Variants in SLC39A11 observed in about 807,000 individuals in gnomAD.
SLC39A11 encodes the protein zinc transporter ZIP11.
A neutral mutation model predicts 36.1 loss-of-function variants in SLC39A11; 33 were observed. The observed-to-expected ratio is 0.91, with a 90% CI of 0.69 to 1.22. The LOEUF is 1.22. Ranked by LOEUF, SLC39A11 falls within the 50% of genes most tolerant of loss-of-function variation. The pLI is 0.00. For synonymous variants in SLC39A11, 166 were observed against 170.3 expected, an observed-to-expected ratio of 0.97 and a Z score of 0.20; for missense variants, 432 against 430.3, an observed-to-expected ratio of 1.00 and a Z score of -0.03.
At chr17:72,886,912 C>A (rs2081465443) in intron 5 of SLC39A11, among the ~76,000 whole-genome samples, 1 of 152,166 alleles carries the variant, frequency 6.6e-6, no homozygotes, top group Admixed American at 6.5e-5. Context: ...TCACTCTTGG[C>A]ATTTTCTCTT....
At chr17:72,949,990 CACACA>C (rs1568006603) in intron 4 of SLC39A11, among the ~76,000 whole-genome samples, 4 of 133,348 alleles carry the variant, frequency 3.0e-5, no homozygotes, top group Non-Finnish European at 5.0e-5. Flanking sequence ...CACACACACA[CACACA>C]CCCCTTCTTG....
chr17:72,715,160 G>A (rs895706200), intron 7 of SLC39A11, among the ~76,000 whole-genome samples: 4 of 152,184 alleles, frequency 2.6e-5, no homozygotes, highest in Non-Finnish European at 2.9e-5. Context: ...CCGGGAGCCC[G>A]CGAGAGGCTC....
intron 4 of SLC39A11, among the ~76,000 whole-genome samples, chr17:73,017,968 C>G (rs746163538): frequency 6.6e-6 from 1 of 152,144 alleles, no homozygotes; most frequent in Non-Finnish European, 1.5e-5. Flanking sequence ...TCATATGGTA[C>G]TAGAAGATAA....
intron 7 of SLC39A11, among the ~76,000 whole-genome samples, chr17:72,655,687 A>C (rs1598236862): frequency 6.6e-6 from 1 of 152,304 alleles, no homozygotes; most frequent in Middle Eastern, 3.4e-3. Flanking sequence ...GGAGCCTGCA[A>C]CCGGGGTGCT....
chr17:72,777,216 G>T (rs2076166659), intron 6 of SLC39A11, among the ~76,000 whole-genome samples: 1 of 152,148 alleles, frequency 6.6e-6, no homozygotes, highest in Non-Finnish European at 1.5e-5. Context: ...CAAAAAAAGG[G>T]CATTATGATC....
chr17:73,021,855 GCACTCAAGACTCCCCAC>G (rs2058362735), intron 4 of SLC39A11, among the ~76,000 whole-genome samples: 1 of 152,202 alleles, frequency 6.6e-6, no homozygotes, highest in Non-Finnish European at 1.5e-5. Flanking sequence ...AAGCCTATCT[GCACTCAAGACTCCCCAC>G]CACTCTTAGA....
Position 72,649,284 on chromosome 17 carries a change from A to G in SLC39A11, c.672-16T>C, listed in dbSNP as rs961254619. The G allele has an allele frequency of 2.5e-6, 4 of 1,611,452 alleles. No individual in the cohort carries two copies. Among genetic ancestry groups the G allele is most frequent in the Admixed American group, 3.3e-5 (2 of 59,832 alleles). ...GGCCAAATTCCTGAAAAACCAAGAA[A>G]GCACATGAAGGCTGCTGTCTGGAAT... On this transcript the variant is annotated splice_polypyrimidine_tract_variant and intron_variant, in intron 7 of 9. Transcript: ENST00000255559.
chr17:72,821,790 G>C (rs1480035069), intron 6 of SLC39A11: 2 of 151,342 alleles, frequency 1.3e-5, no homozygotes, highest in African/African-American at 4.8e-5. Context: ...CTCACAGACG[G>C]GCCCCTTCTC....
chr17:73,074,172 G>A (rs1045890952), intron 3 of SLC39A11, among the ~76,000 whole-genome samples: 1 of 151,848 alleles, frequency 6.6e-6, no homozygotes, highest in Non-Finnish European at 1.5e-5. Flanking sequence ...TAAAAGCTAG[G>A]ATTTCCAAAG....
intron 5 of SLC39A11, among the ~76,000 whole-genome samples, chr17:72,909,677 A>G (rs1441962571): frequency 6.6e-6 from 1 of 151,572 alleles, no homozygotes; most frequent in East Asian, 1.9e-4. Flanking sequence ...CAAAGTCCTC[A>G]CTCACCAATC....
At chr17:72,909,945 G>A (rs975108695) in intron 5 of SLC39A11, among the ~76,000 whole-genome samples, 2 of 151,838 alleles carry the variant, frequency 1.3e-5, no homozygotes. Context: ...GTAGAGACGG[G>A]GTTTCACCGT....
At chr17:72,785,738 C>T (rs1033415467) in intron 6 of SLC39A11, among the ~76,000 whole-genome samples, 9 of 152,268 alleles carry the variant, frequency 5.9e-5, no homozygotes, top group Admixed American at 2.0e-4. Context: ...CTGGATACAT[C>T]GTTTTCTTTA....
intron 7 of SLC39A11, among the ~76,000 whole-genome samples, chr17:72,655,311 G>A (rs71377869): frequency 0.11 from 16,571 of 152,286 alleles, 1,007 homozygotes; most frequent in African/African-American, 0.15. Flanking sequence ...GTGGCCCAGT[G>A]GAGGACACAG....
In SLC39A11 at chr17:72,999,650, G is replaced by T. The variant is rs546407688; in HGVS notation, c.306+31906C>A. ...AGACTCCTCTGAGGAGCCACGGAAG[G>T]CAACAGGTCCATTTCCTGCTGTGGT... is the stretch of plus-strand genomic sequence containing the variant. On this transcript the variant is annotated intron_variant, in intron 4 of 9. Transcript: ENST00000255559. Among the ~76,000 whole-genome samples the T allele has an allele frequency of 3.3e-5, 5 of 152,344 alleles. No individual in the cohort carries two copies. In the South Asian group the frequency reaches 1.0e-3, roughly 32 times the overall value.
At chr17:72,753,364 C>G (rs554430843) in intron 6 of SLC39A11, among the ~76,000 whole-genome samples, 1 of 152,286 alleles carries the variant, frequency 6.6e-6, no homozygotes, top group African/African-American at 2.4e-5. Flanking sequence ...TCCAGATAAC[C>G]TGCTTGGCCT....
At chr17:72,698,586 A>C (rs559475454) in intron 7 of SLC39A11, among the ~76,000 whole-genome samples, 1 of 152,304 alleles carries the variant, frequency 6.6e-6, no homozygotes, top group East Asian at 1.9e-4. Context: ...ACATGGTTTA[A>C]AAAAGAAAAG....
chr17:72,771,278 G>A lies in SLC39A11; in HGVS notation c.602-34559C>T, dbSNP rs930957975. Among the ~76,000 whole-genome samples the A allele has an allele frequency of 4.6e-5, 7 of 151,640 alleles. No individual in the cohort carries two copies. The East Asian group carries it at 1.4e-3, about 30-fold the overall frequency. On this transcript the variant is annotated intron_variant, in intron 6 of 9. Transcript: ENST00000255559. ...GATGCCTGTAATCCCAGCTACTTGG[G>A]TGGCTGAGGTTGCAGTGAGCCGAGA... is the stretch of plus-strand genomic sequence containing the variant.
At chr17:72,705,718 C>A (rs1309486473) in intron 7 of SLC39A11, among the ~76,000 whole-genome samples, 2 of 152,206 alleles carry the variant, frequency 1.3e-5, no homozygotes, top group Non-Finnish European at 2.9e-5. Flanking sequence ...CCTGGGGGAA[C>A]CCTCTTCACC....
chr17:73,025,894 G>A (rs1210864252), intron 4 of SLC39A11, among the ~76,000 whole-genome samples: 4 of 151,994 alleles, frequency 2.6e-5, no homozygotes, highest in South Asian at 4.1e-4. Flanking sequence ...GCAGGCATCC[G>A]CCTGCCTGAG....
Sources: gnomAD v4.1 joint callset for allele counts (sites outside exome capture counted in the v4.1 genomes callset) on GRCh38, gnomAD v4.1.1 for gene constraint, MANE v1.5 for transcripts, NCBI Gene and HGNC (gene_info 2026-07-23, HGNC 2026-07-21) for gene names.